PSPC1: variants seen among roughly 807,000 people sequenced by gnomAD.
PSPC1 encodes paraspeckle protein 1.
A neutral mutation model predicts 51.6 loss-of-function variants in PSPC1; 14 were observed. The observed-to-expected ratio is 0.27, with a 90% CI of 0.18 to 0.42. PSPC1 has a LOEUF of 0.42. PSPC1 is among the 10% of genes least tolerant of loss of function. The pLI is 1.00. For synonymous variants in PSPC1, 193 were observed against 231.9 expected (o/e 0.83, Z 1.53); for missense variants, 406 against 701.1 (o/e 0.58, Z 4.75).
intron 6 of PSPC1, among the ~76,000 whole-genome samples, chr13:19,687,880 T>C (rs1047834230): frequency 6.6e-6 from 1 of 152,088 alleles, no homozygotes; most frequent in Non-Finnish European, 1.5e-5. Context: ...ATTTTTTCAA[T>C]GGGTCTTTAT....
intron 5 of PSPC1, among the ~76,000 whole-genome samples, chr13:19,739,028 T>A (rs922743860): frequency 2.0e-5 from 3 of 152,116 alleles, no homozygotes; most frequent in Non-Finnish European, 2.9e-5. Flanking sequence ...AACCCACAGA[T>A]ACAAAAGACT....
chr13:19,738,905 CAAA>C (rs35177083), intron 5 of PSPC1, among the ~76,000 whole-genome samples: 19 of 112,026 alleles, frequency 1.7e-4, no homozygotes, highest in Non-Finnish European at 1.7e-4. Context: ...GACTCCATCT[CAAA>C]AAAAAAAAAA....
chr13:19,686,620 G>T (rs753893127), intron 6 of PSPC1, among the ~76,000 whole-genome samples: 3 of 152,126 alleles, frequency 2.0e-5, no homozygotes, highest in Non-Finnish European at 4.4e-5. Flanking sequence ...GCATCACTTT[G>T]TATCTTGATT....
At chr13:19,703,624 C>G (rs768428472) in intron 8 of PSPC1, among the ~76,000 whole-genome samples, 13 of 152,014 alleles carry the variant, frequency 8.6e-5, no homozygotes, top group Non-Finnish European at 1.9e-4. Context: ...GATTTCGTGA[C>G]AGAAGCAAAT....
At chr13:19,721,606 G>A (rs1333368996) in intron 6 of PSPC1, among the ~76,000 whole-genome samples, 1 of 152,120 alleles carries the variant, frequency 6.6e-6, no homozygotes, top group African/African-American at 2.4e-5. Context: ...TAAATTCTCA[G>A]AACGTTTGAG....
intron 6 of PSPC1, among the ~76,000 whole-genome samples, chr13:19,682,176 T>C (rs1467744665): frequency 6.6e-6 from 1 of 152,244 alleles, no homozygotes. Context: ...TATTAAAATA[T>C]AATTTCAGTT....
chr13:19,755,816 T>G (rs1426589308), intron 3 of PSPC1, among the ~76,000 whole-genome samples: 2 of 152,132 alleles, frequency 1.3e-5, no homozygotes, highest in Non-Finnish European at 1.5e-5. Flanking sequence ...CTTTAAAATA[T>G]CATGTTCATA....
At position 19,751,224 on chromosome 13, in the gene PSPC1, A is replaced by C. The variant is rs1260333336; in HGVS notation, c.967+47T>G. The C allele has an allele frequency of 6.8e-6, 10 of 1,471,448 alleles. No individual in the cohort carries two copies. The Middle Eastern group carries it at 7.3e-4, about 107-fold the overall frequency. The allele number at this position is 1,471,448 out of a possible 1,614,324, so 91.1% of individuals were successfully genotyped here. On this transcript the variant is annotated intron_variant, in intron 4 of 8. Coordinates refer to ENST00000338910, the MANE Select transcript of PSPC1 (RefSeq NM_001354909.2). ...AGTACATGAATGGTACACACACTTA[A>C]GGGAAAAAAAAAATCATACCACATG...
At chr13:19,684,312 G>A (rs9315078) in intron 6 of PSPC1, among the ~76,000 whole-genome samples, 102,201 of 152,106 alleles carry the variant, frequency 0.67, 36,789 homozygotes, top group East Asian at 0.89. Context: ...GATGGACTAC[G>A]GTAACAATAA....
At chr13:19,734,057 T>C (rs1884469022) in intron 5 of PSPC1, among the ~76,000 whole-genome samples, 1 of 152,126 alleles carries the variant, frequency 6.6e-6, no homozygotes, top group Admixed American at 6.5e-5. Flanking sequence ...CCCTTACGAT[T>C]ATACCACACA....
intron 1 of PSPC1, among the ~76,000 whole-genome samples, chr13:19,781,523 C>G (rs1224263688): frequency 1.3e-5 from 2 of 152,114 alleles, no homozygotes; most frequent in East Asian, 3.9e-4. Flanking sequence ...AACTATTCTC[C>G]CCCCTATAAA....
At chr13:19,671,927 C>G (rs758918300), downstream of PSPC1, 5 of 1,562,770 alleles carry the variant, frequency 3.2e-6, no homozygotes, top group South Asian at 5.6e-5. Flanking sequence ...CCTATACTCT[C>G]TTTGACAGCA....
At chr13:19,779,366 C>G (rs1889616966) in intron 1 of PSPC1, among the ~76,000 whole-genome samples, 12 of 109,144 alleles carry the variant, frequency 1.1e-4, no homozygotes, top group Admixed American at 2.6e-4. Flanking sequence ...GCCGTGCCGT[C>G]CGGGAGGGAG....
rs529271778 is a variant in PSPC1 at position 19,759,760 on chromosome 13, G to A, written c.675-342C>T. On this transcript the variant is annotated intron_variant, in intron 2 of 8. Transcript: ENST00000338910. ...GCCTGTAATCCCAGCTACTGAGGAC[G>A]CTGAGGCAGGAGAACTGCTTGAACC... Among the ~76,000 whole-genome samples, 5 of 151,808 alleles carry A rather than the reference G, an allele frequency of 3.3e-5. No homozygotes were observed. The South Asian group carries it at 1.0e-3, about 32-fold the overall frequency.
At chr13:19,730,956 ACAAAAAAAC>A (rs371752871) in intron 5 of PSPC1, among the ~76,000 whole-genome samples, 55,657 of 104,774 alleles carry the variant, frequency 0.53, 18,163 homozygotes, top group East Asian at 0.78. Context: ...GAAAAAAAAA[ACAAAAAAAC>A]AAAAAAAAAA....
intron 3 of PSPC1, among the ~76,000 whole-genome samples, chr13:19,757,167 C>T (rs1887169059): frequency 6.6e-6 from 1 of 151,814 alleles, no homozygotes; most frequent in Non-Finnish European, 1.5e-5. Context: ...ACTGTCCTTG[C>T]CATCCACACC....
chr13:19,743,127 C>A (rs1173418828), intron 4 of PSPC1, among the ~76,000 whole-genome samples: 1 of 152,128 alleles, frequency 6.6e-6, no homozygotes, highest in Non-Finnish European at 1.5e-5. Context: ...CGTTAAAAAT[C>A]TCCAAAGCTA....
intron 2 of PSPC1, among the ~76,000 whole-genome samples, chr13:19,770,564 G>T (rs9552000): frequency 0.11 from 16,478 of 152,022 alleles, 1,025 homozygotes; most frequent in Middle Eastern, 0.14. Flanking sequence ...AAGGTGGGTG[G>T]ATCACCTGAG....
chr13:19,741,440 T>C, intron 5 of PSPC1, 125 bp downstream of exon 5: 3 of 633,720 alleles, frequency 4.7e-6, no homozygotes, highest in Non-Finnish European at 5.4e-6. Flanking sequence ...TCACTGTATG[T>C]GGTTAAAATG....
Sources: allele counts gnomAD v4.1 joint callset (sites outside exome capture counted in the v4.1 genomes callset), GRCh38; gene constraint gnomAD v4.1.1; transcripts MANE v1.5; gene names NCBI Gene and HGNC (gene_info 2026-07-23, HGNC 2026-07-21).